The following GOLM1 variants were observed in gnomAD, a reference collection of about 807,000 sequenced individuals.
GOLM1 encodes epididymis luminal protein 46.
A neutral mutation model predicts 50.5 loss-of-function variants in GOLM1; 31 were observed. The ratio of observed to expected loss-of-function variants is 0.61; its 90% CI spans 0.46 to 0.83. The LOEUF is 0.83. GOLM1 is among the 40% of genes least tolerant of loss of function. The probability of loss-of-function intolerance (pLI) is 0.00; values close to 1 mark genes in which losing one functional copy is unlikely to be tolerated. For synonymous variants in GOLM1, 178 were observed against 192.8 expected (o/e 0.92, Z 0.64); for missense variants, 491 against 501.3 (o/e 0.98, Z 0.20).
chr9:86,077,598 G>A lies in GOLM1; in HGVS notation c.130-7C>T, dbSNP rs1834657793. The A allele has an allele frequency of 4.3e-6, 7 of 1,610,640 alleles. No homozygotes were observed. In the East Asian group the frequency reaches 6.7e-5, roughly 15 times the overall value. On this transcript the variant is annotated splice_polypyrimidine_tract_variant and splice_region_variant and intron_variant, in intron 2 of 9. Coordinates refer to ENST00000388712, the MANE Select transcript of GOLM1 (RefSeq NM_016548.4). ...CCAGCTCCATGATCCGTGTCTACAA[G>A]GAGACCGTGGCATTAGGGCTGATGC...
chr9:86,028,509 T>C (rs1310404259), intron 9 of GOLM1, among the ~76,000 whole-genome samples: 1 of 152,220 alleles, frequency 6.6e-6, no homozygotes, highest in African/African-American at 2.4e-5. Context: ...CTTGCATTCA[T>C]TCTCCAAGCC....
chr9:86,033,489 G>A (rs919803826), intron 8 of GOLM1, 94 bp from the exon 9 acceptor site: 9 of 754,856 alleles, frequency 1.2e-5, no homozygotes, highest in Middle Eastern at 2.4e-4. Context: ...AGCCATACTT[G>A]CTCACAATCA....
At chr9:86,034,807 G>C (rs1833083961) in intron 8 of GOLM1, among the ~76,000 whole-genome samples, 1 of 152,182 alleles carries the variant, frequency 6.6e-6, no homozygotes, top group South Asian at 2.1e-4. Flanking sequence ...TTCCATATCT[G>C]AAGGGACTGA....
intron 3 of GOLM1, among the ~76,000 whole-genome samples, chr9:86,054,517 C>G (rs369635471): frequency 2.2e-3 from 341 of 152,274 alleles, no homozygotes; most frequent in Middle Eastern, 6.8e-3. Flanking sequence ...AGCCACTGCG[C>G]CCGGCCTCAT....
chr9:86,053,564 CACA>C (rs1587712200), intron 3 of GOLM1, among the ~76,000 whole-genome samples: 115 of 2,776 alleles, frequency 0.041, no homozygotes, highest in African/African-American at 0.065. Flanking sequence ...ACTACACACA[CACA>C]CATCACACAC....
intron 3 of GOLM1, among the ~76,000 whole-genome samples, chr9:86,070,926 C>G (rs1834430729): frequency 6.6e-6 from 1 of 152,134 alleles, no homozygotes. Flanking sequence ...CGTTCTGTGG[C>G]AACAGCTAAT....
At chr9:86,041,539 C>T (rs1181257988) in intron 5 of GOLM1, among the ~76,000 whole-genome samples, 2 of 152,220 alleles carry the variant, frequency 1.3e-5, no homozygotes, top group African/African-American at 4.8e-5. Context: ...GCTGACTCCA[C>T]AGGGCAGCCG....
intron 1 of GOLM1, among the ~76,000 whole-genome samples, chr9:86,083,851 G>T (rs1249527962): frequency 1.3e-5 from 2 of 152,100 alleles, no homozygotes; most frequent in Admixed American, 1.3e-4. Flanking sequence ...AACTTTTCCA[G>T]CAACAAAACC....
At chr9:86,043,243 G>A (rs936760326) in intron 5 of GOLM1, among the ~76,000 whole-genome samples, 16 of 152,168 alleles carry the variant, frequency 1.1e-4, no homozygotes, top group African/African-American at 3.9e-4. Flanking sequence ...GGCTATTTTC[G>A]GATGGAGTGC....
chr9:86,035,138 C>A, intron 8 of GOLM1: 1 of 985,398 alleles, frequency 1.0e-6, no homozygotes, highest in Non-Finnish European at 1.2e-6. Flanking sequence ...CCCCTCGACT[C>A]CCTGCCAATA....
intron 3 of GOLM1, among the ~76,000 whole-genome samples, chr9:86,066,318 G>A (rs573381566): frequency 2.2e-4 from 34 of 152,082 alleles, no homozygotes; most frequent in African/African-American, 6.0e-4. Context: ...AGGAGAAACC[G>A]GGCAGCTCCC....
chr9:86,043,060 G>C (rs902603425), intron 5 of GOLM1, among the ~76,000 whole-genome samples: 3 of 152,208 alleles, frequency 2.0e-5, no homozygotes, highest in African/African-American at 7.2e-5. Context: ...ATGTGTTCAA[G>C]TACAAGGATC....
chr9:86,054,599 G>T (rs1833932170), intron 3 of GOLM1, among the ~76,000 whole-genome samples: 1 of 152,138 alleles, frequency 6.6e-6, no homozygotes, highest in African/African-American at 2.4e-5. Context: ...CGGAGGCACT[G>T]GCTGCTTAAA....
At chr9:86,034,033 C>T (rs577338666) in intron 8 of GOLM1, among the ~76,000 whole-genome samples, 3 of 150,070 alleles carry the variant, frequency 2.0e-5, no homozygotes, top group Non-Finnish European at 4.4e-5. Context: ...GGCGTAATCT[C>T]GGCTCACTGC....
intron 1 of GOLM1, among the ~76,000 whole-genome samples, chr9:86,081,194 ATTTT>A (rs141790142): frequency 7.5e-5 from 10 of 133,688 alleles, no homozygotes; most frequent in Admixed American, 7.6e-5. Flanking sequence ...AGCCTCAATG[ATTTT>A]TTTTTTTTTT....
intron 3 of GOLM1, among the ~76,000 whole-genome samples, chr9:86,062,621 T>TGGAGGGAGGAAAAGGACAAAG (rs1834194965): frequency 8.3e-6 from 1 of 120,818 alleles, no homozygotes; most frequent in Non-Finnish European, 1.7e-5. Flanking sequence ...AAGAGGAGGA[T>TGGAGGGAGGAAAAGGACAAAG]GGAGGGAGGA....
rs370518973 is a variant in GOLM1 at position 86,032,226 on chromosome 9, G to A, written c.1129+1056C>T. On this transcript the variant is annotated intron_variant, in intron 9 of 9. Coordinates refer to ENST00000388712, the MANE Select transcript of GOLM1 (RefSeq NM_016548.4). ...CTTGTTGCCCAGGCTGGAGTGCAGC[G>A]GTGCGATCTCAGCTCACTGCAACCT... 5.9e-5 allele frequency among the ~76,000 whole-genome samples: 9 copies of A among 152,202 alleles called. No homozygotes were observed. In the East Asian group the frequency reaches 1.4e-3, roughly 23 times the overall value.
chr9:86,053,548 A>ACCACACCACACCATATACCACACCACAC (rs1222301492), intron 3 of GOLM1, among the ~76,000 whole-genome samples: 10 of 378 alleles, frequency 0.026, no homozygotes, highest in South Asian at 0.083. Flanking sequence ...ACCACACCAA[A>ACCACACCACACCATATACCACACCACAC]CACACACTAC....
At chr9:86,043,679 A>G (rs1443537230) in intron 5 of GOLM1, among the ~76,000 whole-genome samples, 1 of 152,200 alleles carries the variant, frequency 6.6e-6, no homozygotes, top group East Asian at 1.9e-4. Context: ...TGAAATAGGC[A>G]CAGTCAGCCA....
Sources: gnomAD v4.1 joint callset for allele counts (sites outside exome capture counted in the v4.1 genomes callset) on GRCh38, gnomAD v4.1.1 for gene constraint, MANE v1.5 for transcripts, NCBI Gene and HGNC (gene_info 2026-07-23, HGNC 2026-07-21) for gene names.